SLC38A10: variants seen among roughly 807,000 people sequenced by gnomAD.
SLC38A10 encodes the protein Sodium-coupled neutral amino acid transporter 10.
Under a neutral mutation model 81.0 loss-of-function variants are expected in SLC38A10, and 53 were observed. The observed-to-expected ratio is 0.65, with a 90% CI of 0.53 to 0.82. The LOEUF (loss-of-function observed/expected upper bound fraction) is 0.82. Among genes scored for constraint, SLC38A10 ranks in the 40% least tolerant of loss-of-function variants. The pLI, the probability that SLC38A10 is intolerant of heterozygous loss-of-function variation, is 0.00. For missense variants in SLC38A10, 1,471 were observed against 1,545.0 expected, an observed-to-expected ratio of 0.95 and a Z score of 0.80; for synonymous variants, 665 against 655.3, an observed-to-expected ratio of 1.01 and a Z score of -0.23.
rs2063292448 is a variant in SLC38A10 at position 81,289,375 on chromosome 17, G to A, written c.217+316C>T. On this transcript the variant is annotated intron_variant, in intron 2 of 15. Transcript: ENST00000374759. This position sits in a 1 kb window ranked among gnomAD's most constrained non-coding sequence, Gnocchi z 5.9. ...TTTTAACTGCATTTTTTTTTAATTT[G>A]ATTTTTAATTCTTTTGAGACAGGGT... is the stretch of plus-strand genomic sequence containing the variant. 6.6e-6 allele frequency among the ~76,000 whole-genome samples: 1 copy of A among 150,426 alleles called. No homozygotes were observed. The highest frequency in any genetic ancestry group is 1.5e-5 in the Non-Finnish European group (1 of 67,654).
In SLC38A10 at chr17:81,250,222, C is replaced by T. The variant is rs556377335; in HGVS notation, c.2065+1271G>A. ...AACAGAGCATAGGAATTGGAACCAA[C>T]AAACATGGCCAGACTAAAACCGGAG... On this transcript the variant is annotated intron_variant, in intron 14 of 15. Transcript: ENST00000374759. 1.3e-4 allele frequency: 119 copies of T among 926,172 alleles called. 1 individual carries two copies. In the South Asian group the frequency reaches 1.8e-3, roughly 14 times the overall value. The allele number at this position is 926,172 out of a possible 1,614,324, so 57.4% of individuals were successfully genotyped here.
At position 81,252,179 on chromosome 17, in the gene SLC38A10, C is replaced by T; in HGVS notation, c.1945+16G>A. The T allele has an allele frequency of 6.7e-7, 1 of 1,497,896 alleles. No homozygotes were observed. Among genetic ancestry groups the T allele is most frequent in the Non-Finnish European group, 8.9e-7 (1 of 1,129,072 alleles). 92.8% of individuals were successfully genotyped at this position (1,497,896 alleles called of 1,614,324 possible). ...GAGGGGAGTGTCTTCCGACACGAGCCCAGGCTGACACCCACCGTGGTCGCT... is the reference window on the plus strand; with the variant it reads ...GAGGGGAGTGTCTTCCGACACGAGCTCAGGCTGACACCCACCGTGGTCGCT... On this transcript the variant is annotated intron_variant, in intron 13 of 15. Coordinates refer to ENST00000374759, the MANE Select transcript of SLC38A10 (RefSeq NM_001037984.3).
chr17:81,246,357 CT>C lies in SLC38A10; in HGVS notation c.2558del (p.Lys853ArgfsTer55). 6.2e-7 allele frequency: 1 copy of C among 1,604,514 alleles called. No individual in the cohort carries two copies. Among genetic ancestry groups the C allele is most frequent in the Non-Finnish European group, 8.5e-7 (1 of 1,178,108 alleles). ...RAAGTVKELP[K>X]GPEQVPVPDP... Reference sequence around the variant, plus strand: ...CTGGCACGGGCACCTGCTCCGGGCCCTTGGGGAGCTCCTTCACAGTGCCAGC... The same window carrying C: ...CTGGCACGGGCACCTGCTCCGGGCCCTGGGGAGCTCCTTCACAGTGCCAGC... On this transcript the variant is annotated frameshift_variant, in exon 16 of 16. Transcript: ENST00000374759. LOFTEE classifies it low-confidence loss of function (END_TRUNC).
At chr17:81,273,255 G>A (rs1043213616) in intron 8 of SLC38A10, among the ~76,000 whole-genome samples, 34 of 152,322 alleles carry the variant, frequency 2.2e-4, no homozygotes, top group Middle Eastern at 3.4e-3. Context: ...CGGAGGAGGC[G>A]GCAGAGCCAA....
chr17:81,290,207 A>G (rs1192373682), intron 1 of SLC38A10, among the ~76,000 whole-genome samples: 2 of 152,234 alleles, frequency 1.3e-5, no homozygotes, highest in Admixed American at 6.5e-5. Context: ...CCCCGTTCTC[A>G]TAAGTTAAAT....
In SLC38A10 at chr17:81,277,106, C is replaced by T; in HGVS notation, c.654G>A (p.Leu218=). 6.2e-7 allele frequency: 1 copy of T among 1,614,010 alleles called. No homozygotes were observed. Among genetic ancestry groups the T allele is most frequent in the African/African-American group, 1.3e-5 (1 of 75,062 alleles). Residue 218 remains leucine (L), a synonymous_variant, in exon 7 of 16, where the codon CTG becomes CTA. Coordinates refer to ENST00000374759, the MANE Select transcript of SLC38A10 (RefSeq NM_001037984.3). This position sits in a 1 kb window ranked among gnomAD's most constrained non-coding sequence, Gnocchi z 4.5. ...TCATGGTTTTCACTGACGGCTCATC[C>T]AGGCTGTCGTAGGTGGGCAGCACCT... ...QSQVLPTYDS[L]DEPSVKTMSS...
chr17:81,264,458 G>A (rs1408662705), intron 10 of SLC38A10: 1 of 152,338 alleles, frequency 6.6e-6, no homozygotes, highest in Non-Finnish European at 1.5e-5. Context: ...TCTCACCTGA[G>A]CTTGGAAAAT....
intron 6 of SLC38A10, among the ~76,000 whole-genome samples, chr17:81,279,116 C>T (rs1400652096): frequency 6.6e-6 from 1 of 152,206 alleles, no homozygotes; most frequent in Non-Finnish European, 1.5e-5. Context: ...CAAATGGAGC[C>T]ATCCACATGC....
In SLC38A10 at chr17:81,284,819, G is replaced by A. The variant is rs776369437; in HGVS notation, c.263+31C>T. 3 of 1,506,252 alleles carry A rather than the reference G, an allele frequency of 2.0e-6. No individual in the cohort carries two copies. In the East Asian group the frequency reaches 7.8e-5, roughly 39 times the overall value. The allele number at this position is 1,506,252 out of a possible 1,614,324, so 93.3% of individuals were successfully genotyped here. Reference sequence around the variant, plus strand: ...CCCCAGTGTCTGGGTGCGGGGGTGGGGGGCAAGCGCAGCGGCAGGGCGGGG... The same window carrying A: ...CCCCAGTGTCTGGGTGCGGGGGTGGAGGGCAAGCGCAGCGGCAGGGCGGGG... On this transcript the variant is annotated intron_variant, in intron 3 of 15. Transcript: ENST00000374759.
intron 10 of SLC38A10, among the ~76,000 whole-genome samples, chr17:81,267,764 G>A (rs902289331): frequency 6.6e-6 from 1 of 152,006 alleles, no homozygotes; most frequent in Non-Finnish European, 1.5e-5. Context: ...CAAAGACACT[G>A]GTAAACAGCT....
chr17:81,273,635 G>A (rs1301272638), intron 8 of SLC38A10, among the ~76,000 whole-genome samples: 1 of 152,204 alleles, frequency 6.6e-6, no homozygotes, highest in Non-Finnish European at 1.5e-5. Flanking sequence ...TCGGCCTCAG[G>A]GCGGTAATTT....
intron 8 of SLC38A10, 96 bp from the exon 9 acceptor site, chr17:81,272,723 G>GGCACATCT: frequency 1.2e-6 from 1 of 824,904 alleles, no homozygotes; most frequent in Non-Finnish European, 1.8e-6. Flanking sequence ...AGGCACACCA[G>GGCACATCT]GCACATCTCC....
At chr17:81,249,949 G>T in intron 14 of SLC38A10, 1 of 894,992 alleles carries the variant, frequency 1.1e-6, no homozygotes. Flanking sequence ...CAGGTCTGGG[G>T]CCTGACACGT....
In SLC38A10 at chr17:81,245,988, C is replaced by A; in HGVS notation, c.2928G>T (p.Arg976=). The A allele has an allele frequency of 6.2e-7, 1 of 1,604,494 alleles. No individual in the cohort carries two copies. Among genetic ancestry groups the A allele is most frequent in the South Asian group, 1.1e-5 (1 of 90,154 alleles). ...DGEQGGQQGH[R]LDHGGHLEMR... is the part of the protein sequence containing the mutation. ...TCTCCAGGTGACCGCCATGGTCCAGCCGGTGGCCCTGCTGTCCACCCTGCT... is the reference window on the plus strand; with the variant it reads ...TCTCCAGGTGACCGCCATGGTCCAGACGGTGGCCCTGCTGTCCACCCTGCT... Residue 976 remains arginine, a synonymous_variant, in exon 16 of 16, where the codon CGG becomes CGT. Transcript: ENST00000374759.
chr17:81,283,732 GC>G lies in SLC38A10; in HGVS notation c.264-231del, dbSNP rs1262827491. Among the ~76,000 whole-genome samples, 1 of 151,626 alleles carries G rather than the reference GC, an allele frequency of 6.6e-6. No homozygotes were observed. ...AGGTTCACGCCATTCTCCTGCCTCA[GC>G]CTCCCGAGTAGCTGGGAGTAGCCGA... is the stretch of plus-strand genomic sequence containing the variant. On this transcript the variant is annotated intron_variant, in intron 3 of 15. Transcript: ENST00000374759. This position sits in a 1 kb window ranked among gnomAD's most constrained non-coding sequence, Gnocchi z 4.7.
At position 81,276,042 on chromosome 17, in the gene SLC38A10, G is replaced by C; in HGVS notation, c.839C>G (p.Ser280Ter). Residue 280 changes from serine (S) to a stop codon, truncating the protein, a stop_gained, in exon 8 of 16, where the codon TCA (serine) becomes TGA (stop). Coordinates refer to ENST00000374759, the MANE Select transcript of SLC38A10 (RefSeq NM_001037984.3). LOFTEE classifies it high-confidence loss of function. This position sits in a 1 kb window ranked among gnomAD's most constrained non-coding sequence, Gnocchi z 4.7. ...TEMLRVGFMM[S>*]VAVGFPMMIL... ...CATCATGGGGAAGCCCACAGCCACT[G>C]ACATCATGAAGCCCACACGGAGCAT... The C allele has an allele frequency of 6.2e-7, 1 of 1,613,972 alleles. No individual in the cohort carries two copies. The highest frequency in any genetic ancestry group is 2.2e-5 in the East Asian group (1 of 44,882).
rs1213569573 is a variant in SLC38A10, at chr17:81,276,053, G to A, written c.828C>T (p.Gly276=). ...AGCCCACAGCCACTGACATCATGAA[G>A]CCCACACGGAGCATCTCCGTCACCA... ...SNLVTEMLRV[G]FMMSVAVGFP... The change falls in exon 8 of 16, where the codon GGC becomes GGT. Residue 276 remains glycine (G), a synonymous_variant. Transcript: ENST00000374759. This position sits in a 1 kb window ranked among gnomAD's most constrained non-coding sequence, Gnocchi z 4.7. The A allele has an allele frequency of 1.9e-6, 3 of 1,614,000 alleles. No individual in the cohort carries two copies. In the South Asian group the frequency reaches 3.3e-5, roughly 18 times the overall value.
chr17:81,251,404 G>A (rs373755575), intron 14 of SLC38A10, 89 bp downstream of exon 14: 1,075 of 1,611,570 alleles, frequency 6.7e-4, no homozygotes, highest in Non-Finnish European at 8.3e-4. Flanking sequence ...CAGGGCTCCC[G>A]AGGATGACCT....
chr17:81,282,795 T>C (rs1363049400), intron 4 of SLC38A10, among the ~76,000 whole-genome samples: 1 of 152,216 alleles, frequency 6.6e-6, no homozygotes, highest in Non-Finnish European at 1.5e-5. Context: ...TCCTTGGAAC[T>C]GTCTCTGACA....
Sources: allele counts gnomAD v4.1 joint callset (sites outside exome capture counted in the v4.1 genomes callset), GRCh38; gene constraint gnomAD v4.1.1; non-coding constraint Gnocchi (gnomAD v3.1); transcripts MANE v1.5; gene names NCBI Gene and HGNC (gene_info 2026-07-23, HGNC 2026-07-21).